The following ANKRA2 variants were observed in gnomAD, a reference collection of about 807,000 sequenced individuals.
ANKRA2 encodes ankyrin repeat family A member 2.
ANKRA2 carries 33 observed loss-of-function variants against 37.8 expected under a neutral mutation model. The observed-to-expected ratio is 0.87, with a 90% CI of 0.66 to 1.17. ANKRA2 has a LOEUF of 1.17. Ranked by LOEUF, ANKRA2 falls within the 50% of genes most tolerant of loss-of-function variation. ANKRA2 has a pLI of 0.00. For missense variants in ANKRA2, 326 were observed against 373.7 expected, an observed-to-expected ratio of 0.87 and a Z score of 1.05; for synonymous variants, 126 against 132.3, an observed-to-expected ratio of 0.95 and a Z score of 0.33.
At chr5:73,563,818 A>G (rs1311328698) in intron 1 of ANKRA2, among the ~76,000 whole-genome samples, 1 of 152,232 alleles carries the variant, frequency 6.6e-6, no homozygotes. Context: ...GAATTAAAAG[A>G]AAAATGCATT....
At position 73,557,113 on chromosome 5, in the gene ANKRA2, A is replaced by G. The variant is rs1460332033; in HGVS notation, c.514+462T>C. Reference sequence around the variant, plus strand: ...TTAAGGGGGGCAGTTAAAAAAAAAAATAACATAGAACACGTACATGCAATA... The same window carrying G: ...TTAAGGGGGGCAGTTAAAAAAAAAAGTAACATAGAACACGTACATGCAATA... On this transcript the variant is annotated intron_variant, in intron 4 of 8. Coordinates refer to ENST00000296785, the MANE Select transcript of ANKRA2 (RefSeq NM_023039.5). Among the ~76,000 whole-genome samples the G allele has an allele frequency of 1.0e-4, 15 of 146,554 alleles. 1 individual carries two copies. The highest frequency in any genetic ancestry group is 4.5e-5 in the Non-Finnish European group (3 of 66,336).
chr5:73,555,303 C>G, intron 5 of ANKRA2, 185 bp downstream of exon 5: 2 of 1,217,646 alleles, frequency 1.6e-6, no homozygotes, highest in Non-Finnish European at 2.2e-6. Flanking sequence ...AATTATTTCT[C>G]ACTGTTGCAT....
chr5:73,555,048 C>G lies in ANKRA2; in HGVS notation c.613-62G>C. 3.8e-6 allele frequency: 6 copies of G among 1,562,106 alleles called. No individual in the cohort carries two copies. The South Asian group carries it at 7.3e-5, about 19-fold the overall frequency. On this transcript the variant is annotated intron_variant, in intron 5 of 8. Coordinates refer to ENST00000296785, the MANE Select transcript of ANKRA2 (RefSeq NM_023039.5). The stretch of plus-strand genomic sequence containing the variant: ...AGTTTAAACAAGAATATTGTTATTC[C>G]TGTCAACAATAATTATAGTTCAACA...
chr5:73,561,367 T>C, intron 2 of ANKRA2, 79 bp from the exon 3 acceptor site: 1 of 1,356,436 alleles, frequency 7.4e-7, no homozygotes, highest in Non-Finnish European at 1.0e-6. Flanking sequence ...TGAAAAGAAA[T>C]ACATGAGGTG....
chr5:73,558,875 G>T (rs560253842), intron 3 of ANKRA2, among the ~76,000 whole-genome samples: 4 of 152,298 alleles, frequency 2.6e-5, no homozygotes, highest in Admixed American at 6.5e-5. Context: ...TGGCTAATTA[G>T]CTGTGTGATG....
rs530389503 is a variant in ANKRA2, at chr5:73,562,839, C to T, written c.43G>A (p.Val15Met). The change falls in exon 2 of 9, where the codon GTG becomes ATG. Residue 15 changes from valine (V) to methionine (M), a missense_variant. Val to Met is a conservative substitution (Grantham distance 21, BLOSUM62 1). Around this residue, in one of 3 missense-constraint regions of ANKRA2, gnomAD observed 93 missense variants for 91.1 expected, o/e 1.02. Transcript: ENST00000296785. ...CTATAAGTGCTGGGACACTCTTCCACGATAAGCTGGGCTCCAATATCCAGA... is the reference window on the plus strand; with the variant it reads ...CTATAAGTGCTGGGACACTCTTCCATGATAAGCTGGGCTCCAATATCCAGA... ...TNLDIGAQLI[V>M]EECPSTYSLT... The T allele has an allele frequency of 1.2e-5, 20 of 1,613,126 alleles. No homozygotes were observed. Among genetic ancestry groups the T allele is most frequent in the East Asian group, 2.2e-5 (1 of 44,860 alleles).
chr5:73,562,340 G>T, intron 2 of ANKRA2: 1 of 325,958 alleles, frequency 3.1e-6, no homozygotes. Flanking sequence ...AGGAATAATA[G>T]GGAACTTCAT....
At chr5:73,559,592 G>C (rs1255401784) in intron 3 of ANKRA2, among the ~76,000 whole-genome samples, 1 of 152,082 alleles carries the variant, frequency 6.6e-6, no homozygotes, top group Non-Finnish European at 1.5e-5. Context: ...ACTCTAAGAA[G>C]ATGAAAATAC....
rs371837218 is a variant in ANKRA2 at position 73,553,419 on chromosome 5, T to C, written c.873A>G (p.Leu291=). ...GYNSMDLAVA[L]GYRSVQQVIE... Reference sequence around the variant, plus strand: ...TAACATACTTACCACTTCTATAGCCTAGGGCTACAGCTAGATCCATAGAAT... The same window carrying C: ...TAACATACTTACCACTTCTATAGCCCAGGGCTACAGCTAGATCCATAGAAT... Residue 291 remains leucine (L), a synonymous_variant, in exon 8 of 9, where the codon CTA becomes CTG. Transcript: ENST00000296785. The C allele has an allele frequency of 4.5e-5, 72 of 1,612,768 alleles. No individual in the cohort carries two copies. Among genetic ancestry groups the C allele is most frequent in the Non-Finnish European group, 5.9e-5 (70 of 1,179,266 alleles).
At chr5:73,557,444 G>C (rs1351825343) in intron 4 of ANKRA2, 131 bp downstream of exon 4, 1 of 323,214 alleles carries the variant, frequency 3.1e-6, no homozygotes, top group Non-Finnish European at 5.3e-6. Flanking sequence ...ACTATCCATT[G>C]GGTTATCTGC....
At chr5:73,555,189 T>G in intron 5 of ANKRA2, 1 of 1,394,384 alleles carries the variant, frequency 7.2e-7, no homozygotes, top group Non-Finnish European at 9.3e-7. Context: ...CAATCCTAAT[T>G]ATCCTTTCAC....
rs747266371 is a variant in ANKRA2, at chr5:73,552,750, A to G, written c.*47T>C. On this transcript the variant is annotated 3_prime_UTR_variant, in exon 9 of 9. Transcript: ENST00000296785. The stretch of plus-strand genomic sequence containing the variant: ...TAAGTAAACAAAACTATCATTTATA[A>G]GGACCAAGAAGTAAACAAAAGGGCA... 6.6e-7 allele frequency: 1 copy of G among 1,510,600 alleles called. No homozygotes were observed. Among genetic ancestry groups the G allele is most frequent in the Non-Finnish European group, 9.1e-7 (1 of 1,097,024 alleles). The allele number at this position is 1,510,600 out of a possible 1,614,324, so 93.6% of individuals were successfully genotyped here.
chr5:73,555,390 C>CT, intron 5 of ANKRA2, 98 bp downstream of exon 5: 1 of 1,518,306 alleles, frequency 6.6e-7, no homozygotes, highest in South Asian at 1.2e-5. Context: ...TTTTGGTAGC[C>CT]TCTACCATTA....
Position 73,554,958 on chromosome 5 carries a change from C to G in ANKRA2, c.641G>C (p.Gly214Ala). Reference protein sequence around the residue: ...NGADPQLLGKGRESALSLACS... With the variant: ...NGADPQLLGKARESALSLACS... Reference sequence around the variant, plus strand: ...GGCCAACGACAGTGCACTTTCTCGACCTTTTCCTAAAAGTTGGGGATCAGC... The same window carrying G: ...GGCCAACGACAGTGCACTTTCTCGAGCTTTTCCTAAAAGTTGGGGATCAGC... Residue 214 changes from glycine to alanine, a missense_variant, in exon 6 of 9, where the codon GGT (glycine) becomes GCT (alanine). Gly to Ala is a moderately conservative substitution (Grantham distance 60). This residue lies in a region of ANKRA2 where 228 missense variants were observed against 260.2 expected (regional missense o/e 0.88). Coordinates refer to ENST00000296785, the MANE Select transcript of ANKRA2 (RefSeq NM_023039.5). 1 of 1,613,568 alleles carries G rather than the reference C, an allele frequency of 6.2e-7. No individual in the cohort carries two copies. Among genetic ancestry groups the G allele is most frequent in the Non-Finnish European group, 8.5e-7 (1 of 1,179,736 alleles).
chr5:73,565,351 A>C lies in ANKRA2; in HGVS notation c.-324T>G, dbSNP rs1416497368. ...AGGTCTCGCGACCACCGACGACAGC[A>C]GACAGCGAGTCGGGCCTTCCCATCT... is the stretch of plus-strand genomic sequence containing the variant. On this transcript the variant is annotated 5_prime_UTR_variant, in exon 1 of 9. Coordinates refer to ENST00000296785, the MANE Select transcript of ANKRA2 (RefSeq NM_023039.5). 1 of 156,472 alleles carries C rather than the reference A, an allele frequency of 6.4e-6. No individual in the cohort carries two copies. The highest frequency in any genetic ancestry group is 1.4e-5 in the Non-Finnish European group (1 of 70,022). The allele number at this position is 156,472 out of a possible 1,614,324, so 9.7% of individuals were successfully genotyped here. A position where few individuals can be genotyped will look rare whatever the true frequency, so the allele number is the denominator to read the frequency against.
chr5:73,556,410 C>T (rs1747398864), intron 4 of ANKRA2, among the ~76,000 whole-genome samples: 1 of 152,164 alleles, frequency 6.6e-6, no homozygotes, highest in South Asian at 2.1e-4. Flanking sequence ...AGTTTTGGGA[C>T]AACTGGCTAA....
chr5:73,562,404 T>A (rs1747580805), intron 2 of ANKRA2, 189 bp downstream of exon 2: 1 of 499,486 alleles, frequency 2.0e-6, no homozygotes, highest in Admixed American at 3.8e-5. Context: ...AATCAACATG[T>A]ACTTCCTTTA....
chr5:73,559,342 T>C (rs1259185640), intron 3 of ANKRA2, among the ~76,000 whole-genome samples: 1 of 88,954 alleles, frequency 1.1e-5, no homozygotes, highest in Non-Finnish European at 2.5e-5. Context: ...CAAATACAGT[T>C]GCTGTTTTTC....
intron 3 of ANKRA2, among the ~76,000 whole-genome samples, chr5:73,559,975 G>A (rs1430759213): frequency 6.6e-6 from 1 of 152,070 alleles, no homozygotes; most frequent in African/African-American, 2.4e-5. Flanking sequence ...TGTTGCTCAG[G>A]CTGGTCTTGA....
Sources: gnomAD v4.1 joint callset for allele counts (sites outside exome capture counted in the v4.1 genomes callset) on GRCh38, gnomAD v4.1.1 for gene constraint, gnomAD v4.1.1 regional missense constraint, MANE v1.5 for transcripts, NCBI Gene and HGNC (gene_info 2026-07-23, HGNC 2026-07-21) for gene names.